AGPAT5: variants seen among roughly 807,000 people sequenced by gnomAD.
The protein encoded by AGPAT5 is 1-acylglycerol-3-phosphate O-acyltransferase 5.
AGPAT5 carries 46 observed loss-of-function variants against 45.6 expected under a neutral mutation model. The observed-to-expected ratio is 1.01, with a 90% CI of 0.80 to 1.29. The LOEUF (loss-of-function observed/expected upper bound fraction) is 1.29. AGPAT5 is among the 50% of genes most tolerant of loss of function. AGPAT5 has a pLI of 0.00. For synonymous variants in AGPAT5, 272 were observed against 167.0 expected (o/e 1.63, Z -4.85); for missense variants, 673 against 450.7 (o/e 1.49, Z -4.47).
At chr8:6,718,811 A>G (rs980607514) in intron 1 of AGPAT5, among the ~76,000 whole-genome samples, 1 of 152,220 alleles carries the variant, frequency 6.6e-6, no homozygotes, top group South Asian at 2.1e-4. Flanking sequence ...ATTCCTGATC[A>G]TCCTCAAAAT....
intron 5 of AGPAT5, chr8:6,745,820 C>T (rs1801430900): frequency 6.6e-6 from 1 of 152,066 alleles, no homozygotes; most frequent in African/African-American, 2.4e-5. Context: ...TATCCATTCC[C>T]ATGGTTTCCA....
intron 6 of AGPAT5, among the ~76,000 whole-genome samples, chr8:6,748,555 A>T (rs1016892932): frequency 6.6e-6 from 1 of 152,120 alleles, no homozygotes; most frequent in Non-Finnish European, 1.5e-5. Flanking sequence ...CCCAGGCTGG[A>T]GTGCAGTGGC....
intron 6 of AGPAT5, among the ~76,000 whole-genome samples, chr8:6,751,085 A>G (rs951673259): frequency 6.6e-6 from 1 of 151,806 alleles, no homozygotes; most frequent in African/African-American, 2.4e-5. Context: ...TCAATTGTTT[A>G]TATGAATTGA....
chr8:6,717,734 C>T (rs140382667), intron 1 of AGPAT5, among the ~76,000 whole-genome samples: 2 of 152,308 alleles, frequency 1.3e-5, no homozygotes, highest in East Asian at 3.9e-4. Context: ...TTACATATTG[C>T]ATTGCTTCCG....
At chr8:6,727,463 C>A (rs1210406010) in intron 2 of AGPAT5, among the ~76,000 whole-genome samples, 1 of 152,082 alleles carries the variant, frequency 6.6e-6, no homozygotes, top group Non-Finnish European at 1.5e-5. Flanking sequence ...CTCACTGCAA[C>A]CTTTGCCTCC....
chr8:6,741,253 G>T (rs914458143), intron 4 of AGPAT5, among the ~76,000 whole-genome samples: 2 of 152,054 alleles, frequency 1.3e-5, no homozygotes, highest in African/African-American at 4.8e-5. Flanking sequence ...GTACTTTTTA[G>T]TGTTGGTACT....
At chr8:6,714,575 C>G (rs991192861) in intron 1 of AGPAT5, among the ~76,000 whole-genome samples, 1 of 152,188 alleles carries the variant, frequency 6.6e-6, no homozygotes, top group African/African-American at 2.4e-5. Flanking sequence ...TGCAATTATA[C>G]ATTCAAACAC....
rs756594404 is a variant in AGPAT5, at chr8:6,708,683, G to C, written c.15G>C (p.Leu5=). Residue 5 remains leucine, a synonymous_variant, in exon 1 of 8, where the codon CTG becomes CTC. Transcript: ENST00000285518. MLLS[L]VLHTYSMRYL... ...GAGCTGAGAAGATGCTGCTGTCCCTGGTGCTCCACACGTACTCCATGCGCT... is the reference window on the plus strand; with the variant it reads ...GAGCTGAGAAGATGCTGCTGTCCCTCGTGCTCCACACGTACTCCATGCGCT... 1.3e-6 allele frequency: 2 copies of C among 1,599,496 alleles called. No homozygotes were observed. Among genetic ancestry groups the C allele is most frequent in the Non-Finnish European group, 1.7e-6 (2 of 1,178,098 alleles).
chr8:6,738,481 C>G (rs1012837806), intron 4 of AGPAT5: 1 of 152,134 alleles, frequency 6.6e-6, no homozygotes, highest in African/African-American at 2.4e-5. Context: ...TCAGAGATCA[C>G]AGATCACAAT....
intron 1 of AGPAT5, among the ~76,000 whole-genome samples, chr8:6,718,176 A>C (rs1800393835): frequency 6.6e-6 from 1 of 152,224 alleles, no homozygotes; most frequent in South Asian, 2.1e-4. Context: ...GACAGGATGT[A>C]AAATAAGGGC....
At chr8:6,720,563 C>G (rs990969422) in intron 1 of AGPAT5, among the ~76,000 whole-genome samples, 5 of 152,166 alleles carry the variant, frequency 3.3e-5, no homozygotes, top group Admixed American at 6.5e-5. Context: ...ACAGGAAGTT[C>G]ATCCTATGGA....
chr8:6,729,978 A>C (rs1800808782), intron 2 of AGPAT5, among the ~76,000 whole-genome samples: 1 of 152,210 alleles, frequency 6.6e-6, no homozygotes, highest in African/African-American at 2.4e-5. Flanking sequence ...CTAAAAACTC[A>C]TTAGTAGAAG....
At chr8:6,716,678 A>C (rs1163651475) in intron 1 of AGPAT5, among the ~76,000 whole-genome samples, 1 of 152,068 alleles carries the variant, frequency 6.6e-6, no homozygotes, top group Non-Finnish European at 1.5e-5. Context: ...TACTAAAAAT[A>C]CAAAATTAGC....
chr8:6,748,478 A>C (rs934089186), intron 6 of AGPAT5, among the ~76,000 whole-genome samples: 127 of 152,042 alleles, frequency 8.4e-4, no homozygotes, highest in African/African-American at 3.0e-3. Flanking sequence ...TTGAGAGAGA[A>C]CACTAGGCTT....
chr8:6,735,920 T>C (rs1801038891), intron 4 of AGPAT5, among the ~76,000 whole-genome samples: 1 of 140,338 alleles, frequency 7.1e-6, no homozygotes, highest in Non-Finnish European at 1.5e-5. Context: ...AGTGGCACGA[T>C]CTTGGCTCAC....
chr8:6,755,253 T>G, intron 7 of AGPAT5, 79 bp downstream of exon 7: 1 of 1,358,718 alleles, frequency 7.4e-7, no homozygotes, highest in Non-Finnish European at 1.0e-6. Context: ...GAAACCAATG[T>G]AAATGGTTAT....
At position 6,758,893 on chromosome 8, in the gene AGPAT5, T is replaced by TA. The variant is rs1801934798; in HGVS notation, c.*1506dup. 1 of 152,682 alleles carries TA rather than the reference T, an allele frequency of 6.5e-6. No homozygotes were observed. Among genetic ancestry groups the TA allele is most frequent in the African/African-American group, 2.4e-5 (1 of 41,466 alleles). 9.5% of individuals were successfully genotyped at this position (152,682 alleles called of 1,614,324 possible). ...ATATATCAGTGGCCCACATTAAACA[T>TA]ACCAGTTGGATCATGATAAGCAAAA... On this transcript the variant is annotated 3_prime_UTR_variant, in exon 8 of 8. Coordinates refer to ENST00000285518, the MANE Select transcript of AGPAT5 (RefSeq NM_018361.5).
chr8:6,752,625 T>G (rs1156527104), intron 6 of AGPAT5, among the ~76,000 whole-genome samples: 1 of 152,184 alleles, frequency 6.6e-6, no homozygotes, highest in Non-Finnish European at 1.5e-5. Context: ...GTTGGAAGAC[T>G]TTCTCTATTA....
Position 6,757,446 on chromosome 8 carries a change from A to C in AGPAT5, c.*58A>C. The C allele has an allele frequency of 7.6e-7, 1 of 1,317,322 alleles. No homozygotes were observed. The highest frequency in any genetic ancestry group is 1.1e-6 in the Non-Finnish European group (1 of 919,900). The allele number at this position is 1,317,322 out of a possible 1,614,324, so 81.6% of individuals were successfully genotyped here. A position where few individuals can be genotyped will look rare whatever the true frequency, so the allele number is the denominator to read the frequency against. On this transcript the variant is annotated 3_prime_UTR_variant, in exon 8 of 8. Coordinates refer to ENST00000285518, the MANE Select transcript of AGPAT5 (RefSeq NM_018361.5). The stretch of plus-strand genomic sequence containing the variant: ...TACATTGTCTATTTTTGGCGGCTGC[A>C]CATGACATCAAATTGTTTCCTGAAT...
Sources: gnomAD v4.1 joint callset for allele counts (sites outside exome capture counted in the v4.1 genomes callset) on GRCh38, gnomAD v4.1.1 for gene constraint, MANE v1.5 for transcripts, NCBI Gene and HGNC (gene_info 2026-07-23, HGNC 2026-07-21) for gene names.